The following MYO18B variants were observed in gnomAD, a reference collection of about 807,000 sequenced individuals.
MYO18B encodes unconventional myosin-XVIIIb.
Under a neutral mutation model 273.0 loss-of-function variants are expected in MYO18B, and 204 were observed. That is an observed-to-expected ratio of 0.75 (90% CI 0.67 to 0.84). The LOEUF (loss-of-function observed/expected upper bound fraction) is 0.84, where lower values mean the gene tolerates loss of function less well. MYO18B is among the 40% of genes least tolerant of loss of function. MYO18B has a pLI of 0.00. For synonymous variants in MYO18B, 1,330 were observed against 1,305.7 expected (o/e 1.02, Z -0.40); for missense variants, 3,212 against 3,287.6 (o/e 0.98, Z 0.56).
At chr22:25,830,385 T>C (rs1191588379) in intron 15 of MYO18B, among the ~76,000 whole-genome samples, 1 of 152,180 alleles carries the variant, frequency 6.6e-6, no homozygotes, top group Admixed American at 6.5e-5. Context: ...AAAAAAATCT[T>C]CGGTTGTTGC....
rs772230737 is a variant in MYO18B at position 26,003,296 on chromosome 22, G to T, written c.6319G>T (p.Gly2107Cys). 5 of 1,607,678 alleles carry T rather than the reference G, an allele frequency of 3.1e-6. No homozygotes were observed. Among genetic ancestry groups the T allele is most frequent in the Admixed American group, 1.7e-5 (1 of 59,120 alleles). ...GACGGCAGTGGATTGTGGCAGCAGC[G>T]GCCGAAAAGAGATGTAAGTTAACCC... Reference protein sequence around the residue: ...VQTAVDCGSSGRKEMDNVSIL... With the variant: ...VQTAVDCGSSCRKEMDNVSIL... Residue 2107 changes from glycine to cysteine, a missense_variant, in exon 41 of 44, where the codon GGC becomes TGC. Coordinates refer to ENST00000335473, the MANE Select transcript of MYO18B (RefSeq NM_032608.7).
chr22:25,767,977 G>A, intron 3 of MYO18B, 138 bp from the exon 4 acceptor site: 3 of 832,382 alleles, frequency 3.6e-6, no homozygotes, highest in Non-Finnish European at 5.7e-6. Context: ...CATGCCTGTT[G>A]GATTTGGAGG....
At chr22:25,885,526 G>A (rs1034852248) in intron 25 of MYO18B, among the ~76,000 whole-genome samples, 2 of 152,124 alleles carry the variant, frequency 1.3e-5, no homozygotes, top group East Asian at 3.9e-4. Flanking sequence ...TCTGGCAGGT[G>A]CAATTCTGGT....
downstream of MYO18B, among the ~76,000 whole-genome samples, chr22:26,034,371 G>A (rs1936737571): frequency 6.6e-6 from 1 of 152,208 alleles, no homozygotes; most frequent in Admixed American, 6.5e-5. Flanking sequence ...GTCTCTCTCT[G>A]TGTGACCTCA....
the MYO18B span, among the ~76,000 whole-genome samples, chr22:26,056,399 G>A: frequency 4.8e-4 from 73 of 152,310 alleles, no homozygotes; most frequent in Admixed American, 9.1e-4. Context: ...TTGATGGCCT[G>A]CTCAAGGTCA....
chr22:25,847,290 G>A, intron 19 of MYO18B, 140 bp from the exon 20 acceptor site: 1 of 642,748 alleles, frequency 1.6e-6, no homozygotes, highest in Non-Finnish European at 2.8e-6. Context: ...AAATCAGGCT[G>A]TAGGTGGGAG....
chr22:25,823,371 T>G, intron 12 of MYO18B, 134 bp from the exon 13 acceptor site: 1 of 948,790 alleles, frequency 1.1e-6, no homozygotes, highest in Non-Finnish European at 1.5e-6. Flanking sequence ...GCCTGGGCAG[T>G]TGTCCAAGCT....
chr22:25,886,209 G>T (rs2146252606), intron 25 of MYO18B, among the ~76,000 whole-genome samples: 1 of 152,338 alleles, frequency 6.6e-6, no homozygotes. Flanking sequence ...TGGTGGCGAT[G>T]GTTATTATTA....
chr22:25,855,301 T>TTTTTTTA (rs2090536106), intron 21 of MYO18B, among the ~76,000 whole-genome samples: 1 of 150,826 alleles, frequency 6.6e-6, no homozygotes, highest in African/African-American at 2.4e-5. Flanking sequence ...TTTTTTTTTT[T>TTTTTTTA]GAGATGGAGT....
At chr22:25,868,261 C>T (rs2090946219) in intron 21 of MYO18B, 59 bp from the exon 22 acceptor site, 1 of 1,449,672 alleles carries the variant, frequency 6.9e-7, no homozygotes, top group Non-Finnish European at 9.5e-7. Flanking sequence ...GCTTGACTTT[C>T]CCCTTTAGGA....
At chr22:25,977,679 C>T (rs2093106332) in intron 39 of MYO18B, among the ~76,000 whole-genome samples, 1 of 152,164 alleles carries the variant, frequency 6.6e-6, no homozygotes, top group African/African-American at 2.4e-5. Flanking sequence ...AGCATCAAAA[C>T]AGAGGAGACC....
At chr22:25,823,127 A>G (rs2089345689) in intron 12 of MYO18B, among the ~76,000 whole-genome samples, 1 of 152,134 alleles carries the variant, frequency 6.6e-6, no homozygotes, top group Admixed American at 6.5e-5. Flanking sequence ...AGTTGAAAGG[A>G]TAGGTAGGTG....
At chr22:25,842,531 G>A (rs2145990448) in intron 17 of MYO18B, among the ~76,000 whole-genome samples, 1 of 152,110 alleles carries the variant, frequency 6.6e-6, no homozygotes. Flanking sequence ...AATTAGCCAG[G>A]CATGTTGGCT....
chr22:25,985,223 T>C (rs1435788610), intron 39 of MYO18B, among the ~76,000 whole-genome samples: 1 of 152,074 alleles, frequency 6.6e-6, no homozygotes, highest in African/African-American at 2.4e-5. Flanking sequence ...TAGCCAGGCA[T>C]AATGGCAGGT....
In MYO18B at chr22:25,946,266, T is replaced by C. The variant is rs9613047; in HGVS notation, c.5631+16T>C. On this transcript the variant is annotated intron_variant, in intron 35 of 43. Coordinates refer to ENST00000335473, the MANE Select transcript of MYO18B (RefSeq NM_032608.7). ...CAAGAGCCTGGTACCTGTCCCTTCC[T>C]GCAGCTGCAGGGACCTGGGCCAGCA... is the stretch of plus-strand genomic sequence containing the variant. The C allele has an allele frequency of 0.16, 240,415 of 1,541,534 alleles. 19,431 individuals carry two copies. The highest frequency in any genetic ancestry group is 0.22 in the East Asian group (8,764 of 40,760).
intron 34 of MYO18B, among the ~76,000 whole-genome samples, chr22:25,921,811 C>A (rs2092350007): frequency 1.8e-5 from 2 of 111,006 alleles, no homozygotes; most frequent in African/African-American, 4.0e-5. Flanking sequence ...AGCCAAATAG[C>A]AATAGTGTGT....
chr22:26,003,322 C>T lies in MYO18B; in HGVS notation c.6332+13C>T. Reference sequence around the variant, plus strand: ...GCCGAAAAGAGATGTAAGTTAACCCCAGGTAGAACTGAGCAGCTCACAAGG... The same window carrying T: ...GCCGAAAAGAGATGTAAGTTAACCCTAGGTAGAACTGAGCAGCTCACAAGG... On this transcript the variant is annotated intron_variant, in intron 41 of 43. Transcript: ENST00000335473. 1 of 1,602,396 alleles carries T rather than the reference C, an allele frequency of 6.2e-7. No homozygotes were observed. Among genetic ancestry groups the T allele is most frequent in the Non-Finnish European group, 8.5e-7 (1 of 1,174,502 alleles).
chr22:25,898,195 C>T (rs2091852327), intron 28 of MYO18B, 112 bp from the exon 29 acceptor site: 1 of 1,220,266 alleles, frequency 8.2e-7, no homozygotes, highest in African/African-American at 1.5e-5. Flanking sequence ...CCCATTCCAG[C>T]ATCTGCTGTT....
At chr22:25,903,533 A>G in intron 30 of MYO18B, 98 bp from the exon 31 acceptor site, 1 of 1,291,894 alleles carries the variant, frequency 7.7e-7, no homozygotes, top group Non-Finnish European at 1.1e-6. Flanking sequence ...GAAAGTGGAA[A>G]ACGCCACTCC....
Sources: gnomAD v4.1 joint callset for allele counts (sites outside exome capture counted in the v4.1 genomes callset) on GRCh38, gnomAD v4.1.1 for gene constraint, MANE v1.5 for transcripts, NCBI Gene and HGNC (gene_info 2026-07-23, HGNC 2026-07-21) for gene names.